KIRREL3: variants seen among roughly 807,000 people sequenced by gnomAD.
KIRREL3 encodes the protein kin of IRRE-like protein 3.
A neutral mutation model predicts 89.7 loss-of-function variants in KIRREL3; 36 were observed. The ratio of observed to expected loss-of-function variants is 0.40; its 90% CI spans 0.31 to 0.53. The LOEUF (loss-of-function observed/expected upper bound fraction) is 0.53. Among genes scored for constraint, KIRREL3 ranks in the 20% least tolerant of loss-of-function variants. The pLI is 0.49. For synonymous variants in KIRREL3, 445 were observed against 441.4 expected, an observed-to-expected ratio of 1.01 and a Z score of -0.10; for missense variants, 864 against 1,056.6, an observed-to-expected ratio of 0.82 and a Z score of 2.53.
In KIRREL3 at chr11:126,985,205, G is replaced by T. The variant is rs1377942453; in HGVS notation, c.55+15250C>A. On this transcript the variant is annotated intron_variant, in intron 1 of 16. Coordinates refer to ENST00000525144, the MANE Select transcript of KIRREL3 (RefSeq NM_032531.4). The surrounding 1 kb of genome is among the most constrained non-coding windows in gnomAD (Gnocchi z 5.3). ...TCTGATGAAACACTTTCATGGGTTT[G>T]CAAGTGAAATGCTGGGCACGGAAAG... is the stretch of plus-strand genomic sequence containing the variant. Among the ~76,000 whole-genome samples, 1 of 152,118 alleles carries T rather than the reference G, an allele frequency of 6.6e-6. No individual in the cohort carries two copies. Among genetic ancestry groups the T allele is most frequent in the Non-Finnish European group, 1.5e-5 (1 of 68,024 alleles).
At chr11:126,804,775 C>T (rs886998128) in intron 1 of KIRREL3, among the ~76,000 whole-genome samples, 1 of 152,048 alleles carries the variant, frequency 6.6e-6, no homozygotes, top group African/African-American at 2.4e-5. Flanking sequence ...TTTTTCCAAG[C>T]AGTGGCTCAC....
intron 7 of KIRREL3, among the ~76,000 whole-genome samples, chr11:126,449,747 G>A (rs1955957405): frequency 6.6e-6 from 1 of 152,228 alleles, no homozygotes; most frequent in African/African-American, 2.4e-5. Flanking sequence ...TGGCGTGAGC[G>A]AGTAGCCCTG....
intron 1 of KIRREL3, among the ~76,000 whole-genome samples, chr11:126,957,905 G>T (rs2135169741): frequency 6.6e-6 from 1 of 152,252 alleles, no homozygotes; most frequent in Non-Finnish European, 1.5e-5. Flanking sequence ...AAATGGTCAG[G>T]GTGCCATCTA....
intron 1 of KIRREL3, among the ~76,000 whole-genome samples, chr11:126,680,207 C>T (rs1169342756): frequency 6.6e-6 from 1 of 152,164 alleles, no homozygotes; most frequent in Non-Finnish European, 1.5e-5. Context: ...CGGTTGCTTT[C>T]ATGACCAGTG....
At chr11:126,487,951 C>T (rs918180033) in intron 4 of KIRREL3, among the ~76,000 whole-genome samples, 6 of 152,248 alleles carry the variant, frequency 3.9e-5, no homozygotes, top group African/African-American at 1.2e-4. Context: ...TACGGGGTGC[C>T]GCTCACAGAA....
At chr11:126,916,911 G>A (rs1947063128) in intron 1 of KIRREL3, among the ~76,000 whole-genome samples, 1 of 152,100 alleles carries the variant, frequency 6.6e-6, no homozygotes, top group Non-Finnish European at 1.5e-5. Flanking sequence ...TAATCAAAAG[G>A]GGACAGGATG....
In KIRREL3 at chr11:126,959,442, T is replaced by C. The variant is rs1324141964; in HGVS notation, c.55+41013A>G. On this transcript the variant is annotated intron_variant, in intron 1 of 16. Coordinates refer to ENST00000525144, the MANE Select transcript of KIRREL3 (RefSeq NM_032531.4). ...CTTATACCCCTAAATGTTGTTGTTG[T>C]TGTTGTTGTTTTAGCCAGGGTTCTG... Among the ~76,000 whole-genome samples, 14 of 152,316 alleles carry C rather than the reference T, an allele frequency of 9.2e-5. No individual in the cohort carries two copies. In the East Asian group the frequency reaches 2.7e-3, roughly 29 times the overall value.
chr11:126,650,755 CA>C (rs2134970107), intron 1 of KIRREL3, among the ~76,000 whole-genome samples: 1 of 152,294 alleles, frequency 6.6e-6, no homozygotes, highest in East Asian at 1.9e-4. Context: ...TGCCAAGTTC[CA>C]AAGTCACTTC....
In KIRREL3 at chr11:126,991,853, C is replaced by T. The variant is rs1463597957; in HGVS notation, c.55+8602G>A. Among the ~76,000 whole-genome samples, 1 of 152,166 alleles carries T rather than the reference C, an allele frequency of 6.6e-6. No homozygotes were observed. The highest frequency in any genetic ancestry group is 2.4e-5 in the African/African-American group (1 of 41,434). On this transcript the variant is annotated intron_variant, in intron 1 of 16. Coordinates refer to ENST00000525144, the MANE Select transcript of KIRREL3 (RefSeq NM_032531.4). The surrounding 1 kb of genome is among the most constrained non-coding windows in gnomAD (Gnocchi z 5.8). ...TGCATTTTTTAGTGTTGATGTGGAA[C>T]AGCTGGATGTACCAGCATCTTGAGG...
Position 126,474,105 on chromosome 11 carries a change from C to A in KIRREL3, c.434-639G>T, listed in dbSNP as rs1957001429. Among the ~76,000 whole-genome samples, 1 of 151,486 alleles carries A rather than the reference C, an allele frequency of 6.6e-6. No homozygotes were observed. Among genetic ancestry groups the A allele is most frequent in the Admixed American group, 6.6e-5 (1 of 15,220 alleles). On this transcript the variant is annotated intron_variant, in intron 4 of 16. Coordinates refer to ENST00000525144, the MANE Select transcript of KIRREL3 (RefSeq NM_032531.4). The surrounding 1 kb of genome is among the most constrained non-coding windows in gnomAD (Gnocchi z 6.7). ...GGCCTGAGCCACCATGCCCGGCCAA[C>A]ACCTGGTTAATTTTTGTATTTTTAG...
Position 126,892,271 on chromosome 11 carries a change from G to C in KIRREL3, c.55+108184C>G, listed in dbSNP as rs545205075. Reference sequence around the variant, plus strand: ...CTGCTCTGTTTTCTTCATCCCCTTCGTACCCTCCTGCTCAGCAGAAGCTGA... The same window carrying C: ...CTGCTCTGTTTTCTTCATCCCCTTCCTACCCTCCTGCTCAGCAGAAGCTGA... On this transcript the variant is annotated intron_variant, in intron 1 of 16. Coordinates refer to ENST00000525144, the MANE Select transcript of KIRREL3 (RefSeq NM_032531.4). The surrounding 1 kb of genome is among the most constrained non-coding windows in gnomAD (Gnocchi z 5.4). Among the ~76,000 whole-genome samples, 1 of 151,998 alleles carries C rather than the reference G, an allele frequency of 6.6e-6. No individual in the cohort carries two copies.
intron 1 of KIRREL3, among the ~76,000 whole-genome samples, chr11:126,711,537 G>C (rs1345894020): frequency 6.6e-6 from 1 of 152,108 alleles, no homozygotes; most frequent in Admixed American, 6.5e-5. Flanking sequence ...ACTCCAGCCT[G>C]GGCGACAGAG....
chr11:126,733,556 A>G (rs184079724), intron 1 of KIRREL3, among the ~76,000 whole-genome samples: 1 of 152,332 alleles, frequency 6.6e-6, no homozygotes, highest in East Asian at 1.9e-4. Flanking sequence ...ATACTTCCAT[A>G]ATCATTAATA....
chr11:126,730,735 C>T (rs1223287354), intron 1 of KIRREL3, among the ~76,000 whole-genome samples: 1 of 152,068 alleles, frequency 6.6e-6, no homozygotes, highest in African/African-American at 2.4e-5. Context: ...CAATACTTTT[C>T]TTTTTCTTTT....
intron 1 of KIRREL3, among the ~76,000 whole-genome samples, chr11:126,572,131 G>A (rs1249270941): frequency 6.6e-6 from 1 of 152,186 alleles, no homozygotes; most frequent in East Asian, 1.9e-4. Flanking sequence ...AGGCCAGGCA[G>A]GAAAAGGCAT....
chr11:126,806,836 C>T (rs1162724142), intron 1 of KIRREL3, among the ~76,000 whole-genome samples: 3 of 151,822 alleles, frequency 2.0e-5, no homozygotes, highest in African/African-American at 7.3e-5. Flanking sequence ...CTCCCCTTGC[C>T]CCCCACCCCC....
rs141495414 is a variant in KIRREL3 at position 126,991,986 on chromosome 11, G to A, written c.55+8469C>T. Among the ~76,000 whole-genome samples, 1 of 152,174 alleles carries A rather than the reference G, an allele frequency of 6.6e-6. No homozygotes were observed. The highest frequency in any genetic ancestry group is 6.5e-5 in the Admixed American group (1 of 15,280). ...ATAATGCCCACTTCTCATTACTTCTGCTGATGAAATGAGGTAGTGCTTGTG... is the reference window on the plus strand; with the variant it reads ...ATAATGCCCACTTCTCATTACTTCTACTGATGAAATGAGGTAGTGCTTGTG... On this transcript the variant is annotated intron_variant, in intron 1 of 16. Coordinates refer to ENST00000525144, the MANE Select transcript of KIRREL3 (RefSeq NM_032531.4). The surrounding 1 kb of genome is among the most constrained non-coding windows in gnomAD (Gnocchi z 5.8).
In KIRREL3 at chr11:126,454,133, C is replaced by A. The variant is rs2134226796; in HGVS notation, c.848+2216G>T. On this transcript the variant is annotated intron_variant, in intron 7 of 16. Transcript: ENST00000525144. The surrounding 1 kb of genome is among the most constrained non-coding windows in gnomAD (Gnocchi z 5.8). ...AGCTGTTAACATTTTCTCACGCGTG[C>A]TTTGCGGAGACCTCTCCTCTCCTCC... Among the ~76,000 whole-genome samples the A allele has an allele frequency of 6.6e-6, 1 of 152,182 alleles. No individual in the cohort carries two copies.
Position 126,632,901 on chromosome 11 carries a change from G to A in KIRREL3, c.56-69989C>T, listed in dbSNP as rs1191997767. On this transcript the variant is annotated intron_variant, in intron 1 of 16. Transcript: ENST00000525144. Reference sequence around the variant, plus strand: ...GAGGTCAGGATTTTGAGACCAGCCTGGCCAATATGGTGAAACCCCTTCTTT... The same window carrying A: ...GAGGTCAGGATTTTGAGACCAGCCTAGCCAATATGGTGAAACCCCTTCTTT... 2.0e-5 allele frequency among the ~76,000 whole-genome samples: 3 copies of A among 149,392 alleles called. No homozygotes were observed. In the East Asian group the frequency reaches 6.1e-4, roughly 30 times the overall value.
Sources: gnomAD v4.1 joint callset for allele counts (sites outside exome capture counted in the v4.1 genomes callset) on GRCh38, gnomAD v4.1.1 for gene constraint, Gnocchi (gnomAD v3.1) non-coding constraint, MANE v1.5 for transcripts, NCBI Gene and HGNC (gene_info 2026-07-23, HGNC 2026-07-21) for gene names.